Variants in CCNF observed in about 807,000 individuals in gnomAD.
CCNF encodes cyclin-F.
A neutral mutation model predicts 85.4 loss-of-function variants in CCNF; 30 were observed. The observed-to-expected ratio is 0.35, with a 90% CI of 0.26 to 0.48. The LOEUF is 0.48. Among genes scored for constraint, CCNF ranks in the 20% least tolerant of loss-of-function variants. CCNF has a pLI of 0.99. For missense variants in CCNF, 919 were observed against 1,010.4 expected, an observed-to-expected ratio of 0.91 and a Z score of 1.23; for synonymous variants, 439 against 425.1, an observed-to-expected ratio of 1.03 and a Z score of -0.40.
chr16:2,449,157 G>C, intron 11 of CCNF, 125 bp from the exon 12 acceptor site: 1 of 1,437,558 alleles, frequency 7.0e-7, no homozygotes. Context: ...ATCTGCGCTG[G>C]TGCGCTACGC....
rs2065403224 is a variant in CCNF, at chr16:2,453,004, A to G, written c.1488-206A>G. The G allele has an allele frequency of 5.0e-6, 3 of 599,450 alleles. No individual in the cohort carries two copies. The highest frequency in any genetic ancestry group is 8.9e-6 in the Non-Finnish European group (3 of 335,648). 37.1% of individuals were successfully genotyped at this position (599,450 alleles called of 1,614,324 possible). On this transcript the variant is annotated intron_variant, in intron 13 of 16. Coordinates refer to ENST00000397066, the MANE Select transcript of CCNF (RefSeq NM_001761.3). The surrounding 1 kb of genome is among the most constrained non-coding windows in gnomAD (Gnocchi z 5.6). ...CATTCTAGTACAGGTTTCTGTGTGG[A>G]CATAGTTTTTCCTTTTTCCTGGGTC...
chr16:2,441,962 T>C (rs1306802749), intron 8 of CCNF, among the ~76,000 whole-genome samples: 6 of 131,500 alleles, frequency 4.6e-5, no homozygotes, highest in African/African-American at 1.7e-4. Context: ...TATATATATA[T>C]ATATATATAT....
rs1172584750 is a variant in CCNF, at chr16:2,449,226, A to G, written c.1219-56A>G. On this transcript the variant is annotated intron_variant, in intron 11 of 16. Transcript: ENST00000397066. Reference sequence around the variant, plus strand: ...ACCCTGCGCTGGGCCTGCATGCGGCACTGCACCAAGGAGCCCCCGAGCGCT... The same window carrying G: ...ACCCTGCGCTGGGCCTGCATGCGGCGCTGCACCAAGGAGCCCCCGAGCGCT... 1.9e-6 allele frequency: 3 copies of G among 1,583,474 alleles called. No homozygotes were observed. In the Admixed American group the frequency reaches 5.0e-5, roughly 26 times the overall value.
intron 13 of CCNF, 54 bp downstream of exon 13, chr16:2,449,969 G>C: frequency 8.2e-7 from 1 of 1,219,824 alleles, no homozygotes; most frequent in African/African-American, 1.5e-5. Flanking sequence ...CACTTTGGGA[G>C]GCCGAGGCGG....
At chr16:2,445,706 C>G in intron 10 of CCNF, 84 bp downstream of exon 10, 8 of 1,202,586 alleles carry the variant, frequency 6.7e-6, no homozygotes, top group Non-Finnish European at 9.1e-6. Context: ...GTGCTCCTCA[C>G]TGGTTTGGTT....
chr16:2,452,249 C>T lies in CCNF; in HGVS notation c.1488-961C>T, dbSNP rs1254756551. 1.3e-5 allele frequency among the ~76,000 whole-genome samples: 2 copies of T among 152,192 alleles called. No individual in the cohort carries two copies. On this transcript the variant is annotated intron_variant, in intron 13 of 16. Transcript: ENST00000397066. The surrounding 1 kb of genome is among the most constrained non-coding windows in gnomAD (Gnocchi z 4.1). ...TGCCCTTGAGCAGCCCCTTCTGTGG[C>T]CCATCTGCTTTTTCTCCCACCATGC...
intron 11 of CCNF, 89 bp downstream of exon 11, chr16:2,449,067 G>T: frequency 6.4e-7 from 1 of 1,553,950 alleles, no homozygotes; most frequent in South Asian, 1.1e-5. Flanking sequence ...GCTGTGGGAG[G>T]GCCTCATGGA....
Position 2,457,146 on chromosome 16 carries a change from G to T in CCNF, c.*126G>T. 1 of 694,470 alleles carries T rather than the reference G, an allele frequency of 1.4e-6. No homozygotes were observed. The highest frequency in any genetic ancestry group is 2.3e-6 in the Non-Finnish European group (1 of 427,582). 43.0% of individuals were successfully genotyped at this position (694,470 alleles called of 1,614,324 possible). On this transcript the variant is annotated 3_prime_UTR_variant, in exon 17 of 17. Coordinates refer to ENST00000397066, the MANE Select transcript of CCNF (RefSeq NM_001761.3). ...GCGCAGAGAGCAGAGAGGATGACTT[G>T]CGGCCACCAAGTTTCTGTCTCCGCG...
chr16:2,453,632 A>G lies in CCNF; in HGVS notation c.1715+95A>G, dbSNP rs1029399055. The G allele has an allele frequency of 2.7e-6, 4 of 1,499,254 alleles. No individual in the cohort carries two copies. The highest frequency in any genetic ancestry group is 3.7e-6 in the Non-Finnish European group (4 of 1,094,228). The allele number at this position is 1,499,254 out of a possible 1,614,324, so 92.9% of individuals were successfully genotyped here. Reference sequence around the variant, plus strand: ...GCTTCCTCACACAGAGAGGCCCCCAAGGCTTGTCAGGGGAGCAGCAGATCC... The same window carrying G: ...GCTTCCTCACACAGAGAGGCCCCCAGGGCTTGTCAGGGGAGCAGCAGATCC... On this transcript the variant is annotated intron_variant, in intron 15 of 16. Transcript: ENST00000397066. The surrounding 1 kb of genome is among the most constrained non-coding windows in gnomAD (Gnocchi z 5.6).
At chr16:2,439,688 T>C in intron 7 of CCNF, 61 bp from the exon 8 acceptor site, 1 of 1,426,336 alleles carries the variant, frequency 7.0e-7, no homozygotes, top group Non-Finnish European at 9.9e-7. Flanking sequence ...CTTCTGGGTC[T>C]TGGTTCTGAG....
rs749156038 is a variant in CCNF, at chr16:2,453,222, C to T, written c.1500C>T (p.Asp500=). 20 of 1,613,600 alleles carry T rather than the reference C, an allele frequency of 1.2e-5. No individual in the cohort carries two copies. Among genetic ancestry groups the T allele is most frequent in the African/African-American group, 9.3e-5 (7 of 74,914 alleles). The part of the protein sequence containing the change: ...LSLHKKCFHD[D]APKDYRQVSL... ...ACTCTGTTTCCAGCTTCCATGATGA[C>T]GCCCCCAAGGACTACAGGCAAGTCT... Residue 500 remains aspartate, a synonymous_variant, in exon 14 of 17, where the codon GAC becomes GAT. Coordinates refer to ENST00000397066, the MANE Select transcript of CCNF (RefSeq NM_001761.3). The surrounding 1 kb of genome is among the most constrained non-coding windows in gnomAD (Gnocchi z 5.6).
chr16:2,445,373 C>T (rs542748372), intron 9 of CCNF, 85 bp from the exon 10 acceptor site: 5 of 1,457,508 alleles, frequency 3.4e-6, no homozygotes, highest in Admixed American at 3.5e-5. Context: ...CTTATTTGGT[C>T]GGGCCCAACA....
At chr16:2,438,748 G>C (rs902358207) in intron 6 of CCNF, among the ~76,000 whole-genome samples, 23 of 151,904 alleles carry the variant, frequency 1.5e-4, no homozygotes, top group African/African-American at 4.8e-4. Context: ...TGTAATCCCA[G>C]CACCTTGGGA....
At chr16:2,441,977 A>ATATATCTATATC (rs1411330927) in intron 8 of CCNF, among the ~76,000 whole-genome samples, 2 of 95,856 alleles carry the variant, frequency 2.1e-5, no homozygotes, top group Non-Finnish European at 4.4e-5. Flanking sequence ...ATATATATAT[A>ATATATCTATATC]TATATGTTTT....
rs924523212 is a variant in CCNF at position 2,456,585 on chromosome 16, C to T, written c.1926C>T (p.Tyr642=). Residue 642 remains tyrosine (Y), a synonymous_variant, in exon 17 of 17, where the codon TAC becomes TAT. Coordinates refer to ENST00000397066, the MANE Select transcript of CCNF (RefSeq NM_001761.3). The surrounding 1 kb of genome is among the most constrained non-coding windows in gnomAD (Gnocchi z 4.5). The part of the protein sequence containing the change: ...PSGILDVTVV[Y]LNPEQHCCQE... ...GCATCCTCGATGTCACCGTGGTCTA[C>T]CTGAACCCAGAACAGCATTGCTGCC... 1 of 1,580,866 alleles carries T rather than the reference C, an allele frequency of 6.3e-7. No homozygotes were observed.
intron 16 of CCNF, among the ~76,000 whole-genome samples, chr16:2,455,825 C>T (rs2065424276): frequency 6.6e-6 from 1 of 152,232 alleles, no homozygotes; most frequent in African/African-American, 2.4e-5. Flanking sequence ...CCTGCTCATT[C>T]CGTGTTGGGA....
At position 2,437,232 on chromosome 16, in the gene CCNF, G is replaced by A. The variant is rs1456964858; in HGVS notation, c.450G>A (p.Trp150Ter). Reference sequence around the variant, plus strand: ...ATGTGGGTGCCGCACCTTTCATCTGGCTCTTCATCCGCCCTCCGTGGTCGG... The same window carrying A: ...ATGTGGGTGCCGCACCTTTCATCTGACTCTTCATCCGCCCTCCGTGGTCGG... ...RLNVGAAPFI[W>*]LFIRPPWSVS... The change falls in exon 5 of 17, where the codon TGG (tryptophan) becomes TGA (stop). Residue 150 changes from tryptophan to a stop codon, truncating the protein, a stop_gained. Transcript: ENST00000397066. LOFTEE classifies it high-confidence loss of function. The A allele has an allele frequency of 6.2e-7, 1 of 1,612,732 alleles. No individual in the cohort carries two copies.
At chr16:2,449,776 A>ATCCCCTTCG (rs2065383526) in intron 12 of CCNF, 52 bp from the exon 13 acceptor site, 6 of 383,610 alleles carry the variant, frequency 1.6e-5, no homozygotes, top group Non-Finnish European at 2.2e-5. Context: ...CGTCCCCTCC[A>ATCCCCTTCG]TCCCCTCCGT....
At chr16:2,449,535 A>G (rs1462478212) in intron 12 of CCNF, 73 bp downstream of exon 12, 5 of 1,443,474 alleles carry the variant, frequency 3.5e-6, no homozygotes, top group Middle Eastern at 2.4e-4. Flanking sequence ...GTGGGGAGGA[A>G]AAGAGTCCAG....
Sources: gnomAD v4.1 joint callset for allele counts (sites outside exome capture counted in the v4.1 genomes callset) on GRCh38, gnomAD v4.1.1 for gene constraint, Gnocchi (gnomAD v3.1) non-coding constraint, MANE v1.5 for transcripts, NCBI Gene and HGNC (gene_info 2026-07-23, HGNC 2026-07-21) for gene names.